LGR6: variants seen among roughly 807,000 people sequenced by gnomAD.
LGR6 encodes leucine-rich repeat-containing G protein-coupled receptor 6.
In LGR6, 45 loss-of-function variants were observed where a neutral mutation model predicts 69.4. That is an observed-to-expected ratio of 0.65 (90% CI 0.51 to 0.83). LGR6 has a LOEUF of 0.83. LGR6 is among the 40% of genes least tolerant of loss of function. The pLI is 0.00. For missense variants in LGR6, 1,108 were observed against 1,246.7 expected, an observed-to-expected ratio of 0.89 and a Z score of 1.68; for synonymous variants, 538 against 555.0, an observed-to-expected ratio of 0.97 and a Z score of 0.43.
rs1184659087 is a variant in LGR6 at position 202,307,232 on chromosome 1, G to A, written c.1209-98G>A. ...AAGGCAAAGGTTACTGTTACTGGGGGCAGGTCAGATGGGGGTATGTGAGGG... is the reference window on the plus strand; with the variant it reads ...AAGGCAAAGGTTACTGTTACTGGGGACAGGTCAGATGGGGGTATGTGAGGG... On this transcript the variant is annotated intron_variant, in intron 13 of 17. Coordinates refer to ENST00000367278, the MANE Select transcript of LGR6 (RefSeq NM_001017403.2). 6.9e-6 allele frequency: 8 copies of A among 1,153,774 alleles called. No homozygotes were observed. In the African/African-American group the frequency reaches 7.5e-5, roughly 11 times the overall value. The allele number at this position is 1,153,774 out of a possible 1,614,324, so 71.5% of individuals were successfully genotyped here.
At chr1:202,274,476 C>T (rs924635673) in intron 4 of LGR6, among the ~76,000 whole-genome samples, 1 of 152,190 alleles carries the variant, frequency 6.6e-6, no homozygotes, top group Non-Finnish European at 1.5e-5. Context: ...TTTCTACATC[C>T]TCATTCAGTC....
rs76960434 is a variant in LGR6 at position 202,243,885 on chromosome 1, G to A, written c.428+7892G>A. 1.6e-4 allele frequency among the ~76,000 whole-genome samples: 25 copies of A among 152,314 alleles called. No homozygotes were observed. In the East Asian group the frequency reaches 2.3e-3, roughly 14 times the overall value. On this transcript the variant is annotated intron_variant, in intron 4 of 17. Coordinates refer to ENST00000367278, the MANE Select transcript of LGR6 (RefSeq NM_001017403.2). ...GGGGTTGGTGGTAGGGGCAGGCGGC[G>A]ACAAGGAAATTGTCCTTGGGTGAAG...
At chr1:202,248,463 G>A (rs748044593) in intron 4 of LGR6, among the ~76,000 whole-genome samples, 2 of 152,114 alleles carry the variant, frequency 1.3e-5, no homozygotes, top group Non-Finnish European at 2.9e-5. Flanking sequence ...GGGGACTCTC[G>A]CCAAAGTCGC....
At chr1:202,267,606 A>G (rs1233300100) in intron 4 of LGR6, among the ~76,000 whole-genome samples, 5 of 152,308 alleles carry the variant, frequency 3.3e-5, no homozygotes, top group African/African-American at 4.8e-5. Flanking sequence ...TCTGCATGCA[A>G]GATGGGAAGC....
chr1:202,305,619 C>T (rs1027553450), intron 11 of LGR6, 65 bp from the exon 12 acceptor site: 18 of 1,395,136 alleles, frequency 1.3e-5, no homozygotes, highest in East Asian at 4.6e-5. Context: ...TAGAGCCCCC[C>T]GTCCCCGAGC....
At chr1:202,237,854 A>T (rs1661716555) in intron 4 of LGR6, among the ~76,000 whole-genome samples, 1 of 152,064 alleles carries the variant, frequency 6.6e-6, no homozygotes, top group African/African-American at 2.4e-5. Flanking sequence ...CCTGGCTCTG[A>T]TCGTGACTAC....
At chr1:202,217,616 A>G (rs1659873480) in intron 1 of LGR6, among the ~76,000 whole-genome samples, 1 of 152,002 alleles carries the variant, frequency 6.6e-6, no homozygotes, top group Middle Eastern at 3.2e-3. Context: ...GACCTGCACA[A>G]GGTTTGCCTT....
chr1:202,210,057 TG>T (rs1311088211), intron 1 of LGR6, among the ~76,000 whole-genome samples: 1 of 152,142 alleles, frequency 6.6e-6, no homozygotes, highest in African/African-American at 2.4e-5. Context: ...GCTGCTCTGG[TG>T]GGGTATTTGG....
chr1:202,248,799 A>G (rs1230576118), intron 4 of LGR6, among the ~76,000 whole-genome samples: 5 of 152,170 alleles, frequency 3.3e-5, no homozygotes, highest in Non-Finnish European at 1.5e-5. Flanking sequence ...GTTTCCTAGA[A>G]GAATTCCACT....
At chr1:202,241,399 G>A (rs1021104147) in intron 4 of LGR6, among the ~76,000 whole-genome samples, 1 of 152,288 alleles carries the variant, frequency 6.6e-6, no homozygotes, top group Middle Eastern at 3.4e-3. Context: ...GTGAGGAGTG[G>A]GGCTAGGGCT....
chr1:202,260,698 C>G (rs1431940514), intron 4 of LGR6, among the ~76,000 whole-genome samples: 1 of 152,106 alleles, frequency 6.6e-6, no homozygotes, highest in Non-Finnish European at 1.5e-5. Flanking sequence ...GTTTTTCCCC[C>G]AAGAACAACA....
At chr1:202,202,752 ACT>A (rs1658882138) in intron 1 of LGR6, among the ~76,000 whole-genome samples, 1 of 151,688 alleles carries the variant, frequency 6.6e-6, no homozygotes, top group South Asian at 2.1e-4. Flanking sequence ...CACCTATTTG[ACT>A]CTGCCTGCCT....
chr1:202,274,048 G>A (rs1187749392), intron 4 of LGR6, among the ~76,000 whole-genome samples: 1 of 152,120 alleles, frequency 6.6e-6, no homozygotes, highest in African/African-American at 2.4e-5. Flanking sequence ...GGCATCTGCT[G>A]GGTGGGCATC....
chr1:202,305,657 C>G (rs779625312), intron 11 of LGR6, 27 bp from the exon 12 acceptor site: 11 of 1,608,072 alleles, frequency 6.8e-6, no homozygotes. Context: ...CATTTCACCC[C>G]AGCCCTGGCC....
intron 4 of LGR6, among the ~76,000 whole-genome samples, chr1:202,236,918 G>A (rs183742279): frequency 6.6e-6 from 1 of 152,208 alleles, no homozygotes; most frequent in East Asian, 1.9e-4. Flanking sequence ...TTCTCCTTGG[G>A]TGGAAGGAGA....
intron 6 of LGR6, among the ~76,000 whole-genome samples, chr1:202,295,117 C>T (rs557288438): frequency 9.7e-4 from 147 of 152,166 alleles, no homozygotes; most frequent in African/African-American, 3.4e-3. Context: ...CACCTGAGGT[C>T]AGGAGTTTGA....
chr1:202,222,257 T>C (rs1660208820), intron 1 of LGR6, among the ~76,000 whole-genome samples: 1 of 152,252 alleles, frequency 6.6e-6, no homozygotes, highest in Non-Finnish European at 1.5e-5. Context: ...CAGTTGAAAT[T>C]CACCCTCCTT....
At position 202,243,222 on chromosome 1, in the gene LGR6, T is replaced by G. The variant is rs989220791; in HGVS notation, c.428+7229T>G. On this transcript the variant is annotated intron_variant, in intron 4 of 17. Transcript: ENST00000367278. ...AGGGTACCTGCTCCCAGAGCTGACC[T>G]TGGGTTGTGAGCTCAGCTGGGGCGT... is the stretch of plus-strand genomic sequence containing the variant. Among the ~76,000 whole-genome samples, 4 of 152,168 alleles carry G rather than the reference T, an allele frequency of 2.6e-5. 1 individual carries two copies. Among genetic ancestry groups the G allele is most frequent in the Admixed American group, 2.0e-4 (3 of 15,286 alleles).
intron 3 of LGR6, among the ~76,000 whole-genome samples, chr1:202,229,114 G>C (rs1163441154): frequency 6.6e-6 from 1 of 152,134 alleles, no homozygotes; most frequent in Non-Finnish European, 1.5e-5. Flanking sequence ...CTTGGCCCAT[G>C]AGTTCCAGGC....
Sources: allele counts gnomAD v4.1 joint callset (sites outside exome capture counted in the v4.1 genomes callset), GRCh38; gene constraint gnomAD v4.1.1; transcripts MANE v1.5; gene names NCBI Gene and HGNC (gene_info 2026-07-23, HGNC 2026-07-21).